The following RAD51B variants were observed in gnomAD, a reference collection of about 807,000 sequenced individuals.
RAD51B encodes DNA repair protein RAD51 homolog 2.
Under a neutral mutation model 42.2 loss-of-function variants are expected in RAD51B, and 38 were observed. That is an observed-to-expected ratio of 0.90 (90% CI 0.70 to 1.18). The LOEUF is 1.18. Ranked by LOEUF, RAD51B falls within the 50% of genes most tolerant of loss-of-function variation. RAD51B has a pLI of 0.00. For synonymous variants in RAD51B, 154 were observed against 145.2 expected (o/e 1.06, Z -0.43); for missense variants, 373 against 400.7 (o/e 0.93, Z 0.59).
rs533497463 is a variant in RAD51B at position 68,021,764 on chromosome 14, C to T, written c.756+134560C>T. Reference sequence around the variant, plus strand: ...CTAATGCATATAAAACTTATGTTTGCACTGTACGGTAGTCTACTAAGTGTA... The same window carrying T: ...CTAATGCATATAAAACTTATGTTTGTACTGTACGGTAGTCTACTAAGTGTA... On this transcript the variant is annotated intron_variant, in intron 7 of 10. Coordinates refer to ENST00000471583, the MANE Select transcript of RAD51B (RefSeq NM_133510.4). 7.2e-5 allele frequency among the ~76,000 whole-genome samples: 11 copies of T among 152,264 alleles called. No homozygotes were observed. The South Asian group carries it at 2.1e-3, about 29-fold the overall frequency.
At chr14:68,268,670 G>A (rs771952342) in intron 7 of RAD51B, among the ~76,000 whole-genome samples, 2 of 152,190 alleles carry the variant, frequency 1.3e-5, no homozygotes, top group Non-Finnish European at 2.9e-5. Context: ...AGATAGCTGT[G>A]TATACCACTG....
At chr14:68,418,666 G>A (rs925006787) in intron 9 of RAD51B, among the ~76,000 whole-genome samples, 7 of 152,306 alleles carry the variant, frequency 4.6e-5, no homozygotes, top group African/African-American at 1.7e-4. Context: ...TTTCAGTTGG[G>A]AAACAACATC....
At chr14:68,586,121 A>G (rs1890460398) in intron 10 of RAD51B, among the ~76,000 whole-genome samples, 1 of 152,266 alleles carries the variant, frequency 6.6e-6, no homozygotes, top group Admixed American at 6.5e-5. Flanking sequence ...AAGGCGGGTG[A>G]AAAACTGCAA....
At chr14:68,343,641 G>A (rs568783791) in intron 8 of RAD51B, among the ~76,000 whole-genome samples, 25 of 152,374 alleles carry the variant, frequency 1.6e-4, no homozygotes, top group Middle Eastern at 3.4e-3. Context: ...AAAGATTAGC[G>A]TGACTAAAAG....
intron 9 of RAD51B, among the ~76,000 whole-genome samples, chr14:68,451,044 C>A (rs1482375706): frequency 6.6e-6 from 1 of 152,116 alleles, no homozygotes; most frequent in African/African-American, 2.4e-5. Flanking sequence ...GTATTCTCAG[C>A]TTCAGGGCCC....
At chr14:68,085,811 G>T (rs1202202006) in intron 7 of RAD51B, among the ~76,000 whole-genome samples, 1 of 152,178 alleles carries the variant, frequency 6.6e-6, no homozygotes, top group African/African-American at 2.4e-5. Flanking sequence ...TGTCCCCCTT[G>T]CAGGGCGTGC....
At chr14:68,443,431 A>G (rs2085348278) in intron 9 of RAD51B, among the ~76,000 whole-genome samples, 1 of 152,172 alleles carries the variant, frequency 6.6e-6, no homozygotes, top group African/African-American at 2.4e-5. Context: ...GGAACCTGGG[A>G]GTGGTTTTCC....
chr14:67,950,086 C>T (rs2074415970), intron 7 of RAD51B, among the ~76,000 whole-genome samples: 1 of 152,202 alleles, frequency 6.6e-6, no homozygotes, highest in Admixed American at 6.5e-5. Context: ...CCAGTGAGTA[C>T]TGGCTTCAAC....
At chr14:68,222,431 A>C (rs982778319) in intron 7 of RAD51B, among the ~76,000 whole-genome samples, 2 of 152,228 alleles carry the variant, frequency 1.3e-5, no homozygotes, top group Non-Finnish European at 2.9e-5. Context: ...CAGGAATGTA[A>C]AACCAAATAT....
At chr14:67,884,095 A>G (rs917362260) in intron 5 of RAD51B, among the ~76,000 whole-genome samples, 1 of 152,170 alleles carries the variant, frequency 6.6e-6, no homozygotes, top group Admixed American at 6.5e-5. Context: ...TTGGTTTTTG[A>G]TTTATATATT....
chr14:67,868,833 C>T (rs1344085230), intron 5 of RAD51B, among the ~76,000 whole-genome samples: 1 of 152,286 alleles, frequency 6.6e-6, no homozygotes, highest in African/African-American at 2.4e-5. Context: ...CAGACTGACA[C>T]CTCACACGGC....
intron 9 of RAD51B, among the ~76,000 whole-genome samples, chr14:68,442,681 C>T (rs181928348): frequency 6.6e-6 from 1 of 151,818 alleles, no homozygotes; most frequent in African/African-American, 2.4e-5. Context: ...GCTTGTGATC[C>T]GCCCGCCTCG....
chr14:68,126,156 CT>C (rs547541529), intron 7 of RAD51B, among the ~76,000 whole-genome samples: 2 of 152,110 alleles, frequency 1.3e-5, no homozygotes, highest in South Asian at 4.2e-4. Flanking sequence ...ATAGCTATAC[CT>C]TTTTTTGTGC....
At chr14:68,307,922 C>T (rs1356205809) in intron 8 of RAD51B, among the ~76,000 whole-genome samples, 1 of 152,216 alleles carries the variant, frequency 6.6e-6, no homozygotes, top group Non-Finnish European at 1.5e-5. Context: ...GAGGCTCACC[C>T]TCTTACTGTT....
At chr14:68,401,632 C>T (rs1019931421) in intron 8 of RAD51B, among the ~76,000 whole-genome samples, 4 of 152,130 alleles carry the variant, frequency 2.6e-5, no homozygotes, top group Admixed American at 2.0e-4. Context: ...CTTTCACCTC[C>T]AGCCAAGAGA....
chr14:68,587,594 T>C (rs1449503015), intron 10 of RAD51B, among the ~76,000 whole-genome samples: 1 of 151,928 alleles, frequency 6.6e-6, no homozygotes, highest in Non-Finnish European at 1.5e-5. Context: ...AGAGGCCATC[T>C]GAGAGAGATT....
At chr14:68,104,989 G>T (rs1356484905) in intron 7 of RAD51B, among the ~76,000 whole-genome samples, 2 of 152,046 alleles carry the variant, frequency 1.3e-5, no homozygotes, top group African/African-American at 2.4e-5. Context: ...TGTTAAGTCT[G>T]CCCAGGCAGA....
chr14:68,356,852 G>T (rs191898626), intron 8 of RAD51B, among the ~76,000 whole-genome samples: 2 of 151,750 alleles, frequency 1.3e-5, no homozygotes, highest in African/African-American at 4.8e-5. Flanking sequence ...GCGCGGTGGC[G>T]GGCGCCTGTA....
chr14:67,893,533 T>G, intron 7 of RAD51B, among the ~76,000 whole-genome samples: 3 of 145,164 alleles, frequency 2.1e-5, no homozygotes, highest in African/African-American at 2.6e-5. Flanking sequence ...TAGCTGGGTG[T>G]GGTGCTACAC....
Sources: allele counts gnomAD v4.1 joint callset (sites outside exome capture counted in the v4.1 genomes callset), GRCh38; gene constraint gnomAD v4.1.1; transcripts MANE v1.5; gene names NCBI Gene and HGNC (gene_info 2026-07-23, HGNC 2026-07-21).